The following DGKB variants were observed in gnomAD, a reference collection of about 807,000 sequenced individuals.
DGKB encodes 90 kDa diacylglycerol kinase.
A neutral mutation model predicts 114.3 loss-of-function variants in DGKB; 67 were observed. That is an observed-to-expected ratio of 0.59 (90% CI 0.48 to 0.72). The LOEUF (loss-of-function observed/expected upper bound fraction) is 0.72, where lower values mean the gene tolerates loss of function less well. DGKB is among the 30% of genes least tolerant of loss of function. The probability of loss-of-function intolerance (pLI) is 0.00; values close to 1 mark genes in which losing one functional copy is unlikely to be tolerated. For synonymous variants in DGKB, 398 were observed against 323.1 expected (o/e 1.23, Z -2.49); for missense variants, 907 against 975.2 (o/e 0.93, Z 0.93).
chr7:14,571,767 G>A (rs990011925), intron 20 of DGKB, among the ~76,000 whole-genome samples: 4 of 152,194 alleles, frequency 2.6e-5, no homozygotes, highest in African/African-American at 7.2e-5. Flanking sequence ...CCATATGGAT[G>A]CGATGACAAA....
chr7:14,685,176 A>T, intron 10 of DGKB, 69 bp downstream of exon 10: 1 of 994,346 alleles, frequency 1.0e-6, no homozygotes, highest in Non-Finnish European at 1.6e-6. Context: ...TTTACAAATA[A>T]GACTATTCCA....
intron 20 of DGKB, among the ~76,000 whole-genome samples, chr7:14,496,389 G>T (rs1024465121): frequency 6.6e-6 from 1 of 151,684 alleles, no homozygotes; most frequent in Non-Finnish European, 1.5e-5. Context: ...GTTACAAATG[G>T]CTATGCTTTA....
chr7:14,382,146 C>T (rs538426549), intron 21 of DGKB, among the ~76,000 whole-genome samples: 25 of 152,268 alleles, frequency 1.6e-4, no homozygotes, highest in Non-Finnish European at 3.1e-4. Context: ...TGGATAGTCC[C>T]GCCAAGAAGG....
intron 20 of DGKB, among the ~76,000 whole-genome samples, chr7:14,529,100 G>C (rs10264207): frequency 0.043 from 6,468 of 151,596 alleles, 463 homozygotes; most frequent in African/African-American, 0.14. Context: ...GAAGTATATG[G>C]GTAAGTATTT....
intron 20 of DGKB, among the ~76,000 whole-genome samples, chr7:14,500,426 G>C (rs1785975766): frequency 6.6e-6 from 1 of 150,994 alleles, no homozygotes; most frequent in Admixed American, 6.6e-5. Flanking sequence ...TTTAGTACTG[G>C]AGTAAGGGTT....
At chr7:14,607,873 A>T (rs1445336155) in intron 16 of DGKB, among the ~76,000 whole-genome samples, 1 of 151,892 alleles carries the variant, frequency 6.6e-6, no homozygotes, top group Non-Finnish European at 1.5e-5. Flanking sequence ...AAATTGCCTA[A>T]ATATCTTCTC....
intron 19 of DGKB, among the ~76,000 whole-genome samples, chr7:14,578,755 A>C (rs929661448): frequency 2.0e-5 from 3 of 152,138 alleles, no homozygotes; most frequent in African/African-American, 7.2e-5. Flanking sequence ...TGACCAGTTT[A>C]TTTTCTACCC....
chr7:14,920,291 A>G (rs925813382), intron 1 of DGKB, among the ~76,000 whole-genome samples: 3 of 152,222 alleles, frequency 2.0e-5, no homozygotes, highest in Non-Finnish European at 2.9e-5. Flanking sequence ...TATACAACGA[A>G]TTCTTGAAAC....
intron 21 of DGKB, among the ~76,000 whole-genome samples, chr7:14,424,971 TACTC>T: frequency 1.3e-5 from 2 of 152,276 alleles, no homozygotes. Context: ...TTTGCTTACT[TACTC>T]AAGTCTCACA....
intron 23 of DGKB, among the ~76,000 whole-genome samples, chr7:14,288,287 G>GTTT (rs72215994): frequency 1.1e-5 from 1 of 91,474 alleles, no homozygotes; most frequent in Non-Finnish European, 2.0e-5. Context: ...ACTACCCTGA[G>GTTT]TTTTTTTTTT....
At chr7:14,388,448 AT>A (rs1437884558) in intron 21 of DGKB, among the ~76,000 whole-genome samples, 4 of 148,418 alleles carry the variant, frequency 2.7e-5, no homozygotes, top group African/African-American at 9.8e-5. Flanking sequence ...TATATATAAA[AT>A]ATATATATCT....
chr7:14,212,561 A>G (rs1406267913), intron 23 of DGKB, among the ~76,000 whole-genome samples: 1 of 151,984 alleles, frequency 6.6e-6, no homozygotes, highest in Non-Finnish European at 1.5e-5. Context: ...TCATCTCTTC[A>G]CTATACTTTT....
intron 1 of DGKB, among the ~76,000 whole-genome samples, chr7:14,944,802 C>T (rs1785778203): frequency 8.4e-6 from 1 of 119,628 alleles, no homozygotes; most frequent in African/African-American, 3.8e-5. Context: ...GTCAATAATG[C>T]TAAGACTGAT....
At chr7:14,238,224 C>T (rs565812401) in intron 23 of DGKB, among the ~76,000 whole-genome samples, 39 of 152,040 alleles carry the variant, frequency 2.6e-4, no homozygotes, top group African/African-American at 8.4e-4. Flanking sequence ...GATTGGATCA[C>T]GGGGAGGATT....
At chr7:14,660,217 G>A (rs1244951835) in intron 13 of DGKB, among the ~76,000 whole-genome samples, 1 of 151,894 alleles carries the variant, frequency 6.6e-6, no homozygotes, top group Admixed American at 6.6e-5. Context: ...GTCTCTGCCC[G>A]GCTTTGGTAT....
At chr7:14,278,729 T>C (rs1799403525) in intron 23 of DGKB, among the ~76,000 whole-genome samples, 1 of 152,120 alleles carries the variant, frequency 6.6e-6, no homozygotes, top group African/African-American at 2.4e-5. Flanking sequence ...CTGCAAATTA[T>C]ACATCTGATA....
intron 25 of DGKB, among the ~76,000 whole-genome samples, chr7:14,149,999 G>A (rs969898617): frequency 6.6e-6 from 1 of 152,082 alleles, no homozygotes; most frequent in Non-Finnish European, 1.5e-5. Context: ...CTAAATTAGA[G>A]AAGACATTTT....
chr7:14,550,827 C>T (rs958014741), intron 20 of DGKB, among the ~76,000 whole-genome samples: 1 of 152,070 alleles, frequency 6.6e-6, no homozygotes, highest in Non-Finnish European at 1.5e-5. Context: ...AAAATTATAT[C>T]ACAGTTTCAC....
chr7:14,376,447 A>G (rs1284460595), intron 21 of DGKB, among the ~76,000 whole-genome samples: 7 of 152,214 alleles, frequency 4.6e-5, no homozygotes, highest in African/African-American at 1.4e-4. Context: ...ATAACCTTAC[A>G]TCAGATGAAA....
Sources: allele counts gnomAD v4.1 joint callset (sites outside exome capture counted in the v4.1 genomes callset), GRCh38; gene constraint gnomAD v4.1.1; transcripts MANE v1.5; gene names NCBI Gene and HGNC (gene_info 2026-07-23, HGNC 2026-07-21).